HNMT: variants seen among roughly 807,000 people sequenced by gnomAD.
HNMT encodes histamine N-methyltransferase.
In HNMT, 30 loss-of-function variants were observed where a neutral mutation model predicts 32.1. The observed-to-expected ratio is 0.93, with a 90% CI of 0.70 to 1.27. The LOEUF is 1.27. HNMT is among the 50% of genes most tolerant of loss of function. The pLI is 0.00. For synonymous variants in HNMT, 125 were observed against 119.0 expected, an observed-to-expected ratio of 1.05 and a Z score of -0.33; for missense variants, 327 against 346.0, an observed-to-expected ratio of 0.95 and a Z score of 0.43.
At chr2:138,013,724 G>T in intron 5 of HNMT, 51 bp from the exon 6 acceptor site, 1 of 1,424,396 alleles carries the variant, frequency 7.0e-7, no homozygotes, top group Non-Finnish European at 9.7e-7. Context: ...CTGGCAGACT[G>T]CAAATGAAAG....
intron 2 of HNMT, among the ~76,000 whole-genome samples, chr2:137,985,115 G>T (rs1043916597): frequency 1.3e-5 from 2 of 151,732 alleles, no homozygotes; most frequent in Non-Finnish European, 2.9e-5. Flanking sequence ...GACATGACAC[G>T]TAAGACTCTC....
chr2:137,983,085 A>G (rs769001620), intron 2 of HNMT, among the ~76,000 whole-genome samples: 25 of 152,214 alleles, frequency 1.6e-4, no homozygotes, highest in Admixed American at 7.9e-4. Context: ...AGCCTCATCC[A>G]TAAATATCAT....
chr2:137,990,213 T>A (rs774555430), intron 2 of HNMT, among the ~76,000 whole-genome samples: 46 of 152,332 alleles, frequency 3.0e-4, no homozygotes, highest in Admixed American at 7.8e-4. Context: ...ATTTTACAGT[T>A]TTATGTTTTA....
chr2:137,981,271 G>A (rs754519532), intron 2 of HNMT: 8 of 1,613,606 alleles, frequency 5.0e-6, no homozygotes, highest in Non-Finnish European at 6.8e-6. Flanking sequence ...GTTTCATTTT[G>A]TGTAGCACCC....
Position 138,014,493 on chromosome 2 carries a change from G to A in HNMT, c.*363G>A, listed in dbSNP as rs1230715417. ...ATACTATAGATTCTTTATTAGTGAA[G>A]TATGCACTAATCAATACTTTGAACA... On this transcript the variant is annotated 3_prime_UTR_variant, in exon 6 of 6. Transcript: ENST00000280097. The A allele has an allele frequency of 5.7e-6, 1 of 175,850 alleles. No individual in the cohort carries two copies. Among genetic ancestry groups the A allele is most frequent in the Non-Finnish European group, 1.2e-5 (1 of 81,984 alleles). The allele number at this position is 175,850 out of a possible 1,614,324, so 10.9% of individuals were successfully genotyped here.
chr2:137,996,762 C>T (rs760263066), intron 2 of HNMT, among the ~76,000 whole-genome samples: 1 of 152,196 alleles, frequency 6.6e-6, no homozygotes, highest in Non-Finnish European at 1.5e-5. Flanking sequence ...TGCCACCTGA[C>T]TTCAAACTAT....
rs56391028 is a variant in HNMT at position 138,010,441 on chromosome 2, GCACA to G, written c.524-3295_524-3292del. Among the ~76,000 whole-genome samples, 453 of 125,694 alleles carry G rather than the reference GCACA, an allele frequency of 3.6e-3. 4 individuals carry two copies. The highest frequency in any genetic ancestry group is 0.012 in the African/African-American group (424 of 35,804). The allele number at this position is 125,694 out of a possible 152,430, so 82.5% of individuals were successfully genotyped here. On this transcript the variant is annotated intron_variant, in intron 5 of 5. Coordinates refer to ENST00000280097, the MANE Select transcript of HNMT (RefSeq NM_006895.3). ...AAAAGGCTCAATAAAAAAGACACACGCACACACACACACACACACACACACACAC... is the reference window on the plus strand; with the variant it reads ...AAAAGGCTCAATAAAAAAGACACACGCACACACACACACACACACACACAC...
chr2:138,005,258 A>G (rs755957961), intron 5 of HNMT, 33 bp downstream of exon 5: 2 of 1,155,938 alleles, frequency 1.7e-6, no homozygotes, highest in Non-Finnish European at 2.6e-6. Context: ...GAATTTTAAA[A>G]CAGCAATAAT....
chr2:137,976,278 AAC>A lies in HNMT; in HGVS notation c.190+6063_190+6064del, dbSNP rs1221618411. On this transcript the variant is annotated intron_variant, in intron 2 of 5. Transcript: ENST00000280097. ...AAGACTCCATCTCAAAAAAACAAAA[AAC>A]AAAAAAAAAAAAACCTGTCTATAAA... Among the ~76,000 whole-genome samples, 7 of 50,196 alleles carry A rather than the reference AAC, an allele frequency of 1.4e-4. 2 individuals carry two copies. Among genetic ancestry groups the A allele is most frequent in the Non-Finnish European group, 2.7e-4 (6 of 22,352 alleles). The allele number at this position is 50,196 out of a possible 152,430, so 32.9% of individuals were successfully genotyped here. A position where few individuals can be genotyped will look rare whatever the true frequency, so the allele number is the denominator to read the frequency against.
chr2:138,010,282 T>G (rs764693260), intron 5 of HNMT, among the ~76,000 whole-genome samples: 8 of 151,780 alleles, frequency 5.3e-5, no homozygotes, highest in Non-Finnish European at 8.8e-5. Context: ...TTCTGCCTTA[T>G]GATATCAGAA....
chr2:137,992,994 A>C (rs1158615930), intron 2 of HNMT, among the ~76,000 whole-genome samples: 1 of 152,164 alleles, frequency 6.6e-6, no homozygotes, highest in Non-Finnish European at 1.5e-5. Context: ...AAGCAACAAC[A>C]ACAGCATCAA....
At chr2:138,000,082 T>C (rs1681114227) in intron 2 of HNMT, among the ~76,000 whole-genome samples, 3 of 152,176 alleles carry the variant, frequency 2.0e-5, no homozygotes, top group Admixed American at 6.6e-5. Context: ...GGATTCTTGC[T>C]TGGAAGTCCT....
rs546045761 is a variant in HNMT at position 138,000,924 on chromosome 2, T to C, written c.197T>C (p.Ile66Thr). 1.5e-5 allele frequency: 24 copies of C among 1,588,604 alleles called. No homozygotes were observed. The East Asian group carries it at 2.0e-4, about 13-fold the overall frequency. ...ILSIGGGAGE[I>T]DLQILSKVQA... Reference sequence around the variant, plus strand: ...CCATATGTTTATCTTCTAGGTGAAATTGATCTTCAAATTCTCTCCAAAGTT... The same window carrying C: ...CCATATGTTTATCTTCTAGGTGAAACTGATCTTCAAATTCTCTCCAAAGTT... Residue 66 changes from isoleucine to threonine, a missense_variant, in exon 3 of 6, where the codon ATT (isoleucine) becomes ACT (threonine). Transcript: ENST00000280097.
chr2:137,981,459 T>C, intron 2 of HNMT: 1 of 1,128,320 alleles, frequency 8.9e-7, no homozygotes, highest in Non-Finnish European at 1.3e-6. Context: ...AATTGCAAAG[T>C]CTTCACACCG....
chr2:138,010,441 GCACACACACACACACACA>G (rs56391028), intron 5 of HNMT, among the ~76,000 whole-genome samples: 76 of 125,702 alleles, frequency 6.0e-4, no homozygotes, highest in Middle Eastern at 4.2e-3. Context: ...AAAGACACAC[GCACACACACACACACACA>G]CACACACACA....
intron 1 of HNMT, among the ~76,000 whole-genome samples, chr2:137,966,792 T>C (rs1156499687): frequency 5.9e-5 from 9 of 152,192 alleles, no homozygotes; most frequent in African/African-American, 2.2e-4. Flanking sequence ...TAGGAAGATC[T>C]GCTTTGGCCT....
intron 2 of HNMT, among the ~76,000 whole-genome samples, chr2:137,996,514 A>G (rs1447311688): frequency 1.3e-5 from 2 of 152,218 alleles, no homozygotes; most frequent in East Asian, 3.8e-4. Flanking sequence ...TTTCAAGGAT[A>G]TAAGAGAGGA....
intron 2 of HNMT, among the ~76,000 whole-genome samples, chr2:137,974,710 C>CG (rs1680236129): frequency 6.6e-6 from 1 of 152,114 alleles, no homozygotes; most frequent in Non-Finnish European, 1.5e-5. Flanking sequence ...AATCCAGCTT[C>CG]CTACTTCTAT....
chr2:138,000,489 T>G (rs963663183), intron 2 of HNMT, among the ~76,000 whole-genome samples: 16 of 152,112 alleles, frequency 1.1e-4, no homozygotes, highest in African/African-American at 3.9e-4. Flanking sequence ...TCTTCTGGCC[T>G]AGCCTACTCT....
Sources: gnomAD v4.1 joint callset for allele counts (sites outside exome capture counted in the v4.1 genomes callset) on GRCh38, gnomAD v4.1.1 for gene constraint, MANE v1.5 for transcripts, NCBI Gene and HGNC (gene_info 2026-07-23, HGNC 2026-07-21) for gene names.